Variants in CCDC18 observed in about 807,000 individuals in gnomAD.
CCDC18 encodes coiled-coil domain-containing protein 18.
CCDC18 carries 157 observed loss-of-function variants against 196.0 expected under a neutral mutation model. That is an observed-to-expected ratio of 0.80 (90% CI 0.70 to 0.91). The LOEUF (loss-of-function observed/expected upper bound fraction) is 0.91. Among genes scored for constraint, CCDC18 ranks in the 40% least tolerant of loss-of-function variants. The pLI, the probability that CCDC18 is intolerant of heterozygous loss-of-function variation, is 0.00. For synonymous variants in CCDC18, 482 were observed against 529.2 expected (o/e 0.91, Z 1.22); for missense variants, 1,465 against 1,611.6 (o/e 0.91, Z 1.56).
chr1:93,275,228 C>T (rs1665561962), intron 28 of CCDC18, among the ~76,000 whole-genome samples: 3 of 152,144 alleles, frequency 2.0e-5, no homozygotes, highest in Non-Finnish European at 4.4e-5. Context: ...ATACCTCAGC[C>T]CCCTAAGTAG....
chr1:93,269,838 T>C (rs896824822), intron 27 of CCDC18: 1 of 152,168 alleles, frequency 6.6e-6, no homozygotes, highest in Non-Finnish European at 1.5e-5. Flanking sequence ...TTAACAAGGA[T>C]TGATTTATTA....
intron 4 of CCDC18, among the ~76,000 whole-genome samples, chr1:93,188,755 C>T (rs555833222): frequency 3.6e-4 from 55 of 152,216 alleles, no homozygotes; most frequent in Middle Eastern, 3.4e-3. Context: ...CTTTATTACT[C>T]ATATTGGGTA....
chr1:93,189,654 G>T (rs981222228), intron 4 of CCDC18, among the ~76,000 whole-genome samples: 1 of 151,972 alleles, frequency 6.6e-6, no homozygotes, highest in Non-Finnish European at 1.5e-5. Flanking sequence ...TCTTTTGAAT[G>T]TAAGCCTTGT....
intron 6 of CCDC18, among the ~76,000 whole-genome samples, chr1:93,200,334 TAA>T (rs34770788): frequency 2.8e-5 from 4 of 141,304 alleles, no homozygotes; most frequent in Admixed American, 7.0e-5. Flanking sequence ...GGAGATTATT[TAA>T]AAAAAAAAAA....
At chr1:93,200,129 T>A (rs1388027594) in intron 6 of CCDC18, among the ~76,000 whole-genome samples, 1 of 151,856 alleles carries the variant, frequency 6.6e-6, no homozygotes, top group Non-Finnish European at 1.5e-5. Context: ...GGACTACAGG[T>A]GTGCACCACC....
At chr1:93,273,692 C>T (rs1665480788) in intron 28 of CCDC18, 1 of 152,182 alleles carries the variant, frequency 6.6e-6, no homozygotes, top group East Asian at 1.9e-4. Flanking sequence ...GAGGATGGTA[C>T]TGCACCCTTT....
chr1:93,181,242 T>C (rs1649617926), intron 1 of CCDC18, among the ~76,000 whole-genome samples: 1 of 120,558 alleles, frequency 8.3e-6, no homozygotes, highest in Non-Finnish European at 1.6e-5. Context: ...TAAGATTAGC[T>C]GTGTCAAGCG....
chr1:93,239,005 G>C (rs1442364838), intron 19 of CCDC18, among the ~76,000 whole-genome samples: 1 of 152,112 alleles, frequency 6.6e-6, no homozygotes, highest in African/African-American at 2.4e-5. Flanking sequence ...AAAATTCCTA[G>C]ATGAATGAGG....
At chr1:93,243,478 G>A (rs1162635335) in intron 21 of CCDC18, among the ~76,000 whole-genome samples, 3 of 152,230 alleles carry the variant, frequency 2.0e-5, no homozygotes, top group Non-Finnish European at 2.9e-5. Flanking sequence ...TGATGGGAGA[G>A]GCTGCTCCAG....
chr1:93,180,504 C>A, upstream of CCDC18: 2 of 1,539,652 alleles, frequency 1.3e-6, no homozygotes, highest in Non-Finnish European at 8.8e-7. Context: ...CGCCGCCCGC[C>A]TCTCCCCCTG....
At chr1:93,204,539 G>A (rs1396749138) in intron 7 of CCDC18, among the ~76,000 whole-genome samples, 1 of 152,040 alleles carries the variant, frequency 6.6e-6, no homozygotes, top group Non-Finnish European at 1.5e-5. Context: ...AGGAAGCAAG[G>A]AAAACAAGAG....
intron 23 of CCDC18, among the ~76,000 whole-genome samples, chr1:93,250,529 T>C (rs1168966140): frequency 6.6e-6 from 1 of 152,196 alleles, no homozygotes; most frequent in African/African-American, 2.4e-5. Context: ...TTTTTTAATC[T>C]GGACAATCTG....
chr1:93,250,786 T>C (rs1662135096), intron 23 of CCDC18, among the ~76,000 whole-genome samples: 2 of 83,842 alleles, frequency 2.4e-5, no homozygotes, highest in Non-Finnish European at 4.4e-5. Context: ...ATTTCTGCTA[T>C]ACTTTTGATT....
chr1:93,235,475 C>T (rs1406424555), intron 18 of CCDC18, among the ~76,000 whole-genome samples: 1 of 152,128 alleles, frequency 6.6e-6, no homozygotes, highest in Non-Finnish European at 1.5e-5. Context: ...GTTGTAATCC[C>T]TGTTTCTGTG....
chr1:93,203,182 A>G (rs1654124152), intron 7 of CCDC18, among the ~76,000 whole-genome samples: 1 of 152,176 alleles, frequency 6.6e-6, no homozygotes, highest in South Asian at 2.1e-4. Context: ...AATCAGTGGG[A>G]TCTAGTGACC....
In CCDC18 at chr1:93,207,148, G is replaced by A. The variant is rs1228219237; in HGVS notation, c.959G>A (p.Arg320Lys). 1.3e-6 allele frequency: 2 copies of A among 1,545,808 alleles called. No individual in the cohort carries two copies. The change falls in exon 9 of 29, where the codon AGG (arginine) becomes AAG (lysine). Residue 320 changes from arginine (R) to lysine (K), a missense_variant. Coordinates refer to ENST00000690025, the MANE Select transcript of CCDC18 (RefSeq NM_001378204.1). ...AATAACAACGGAAAAGAAAAATTAA[G>A]GATCATGGCAGTGAAAAATTCAGAA... The part of the protein sequence containing the change: ...EENNNGKEKL[R>K]IMAVKNSEVM...
chr1:93,222,978 T>G (rs546019756), intron 16 of CCDC18, among the ~76,000 whole-genome samples: 1 of 152,342 alleles, frequency 6.6e-6, no homozygotes, highest in East Asian at 1.9e-4. Flanking sequence ...AGACATGTGT[T>G]TATTCATAAA....
At chr1:93,244,403 T>G (rs1035673645) in intron 21 of CCDC18, among the ~76,000 whole-genome samples, 2 of 152,200 alleles carry the variant, frequency 1.3e-5, no homozygotes, top group African/African-American at 4.8e-5. Context: ...TAAAAACGAA[T>G]GAACTACTGA....
At chr1:93,263,309 G>A (rs1664067013) in intron 26 of CCDC18, among the ~76,000 whole-genome samples, 1 of 152,052 alleles carries the variant, frequency 6.6e-6, no homozygotes, top group South Asian at 2.1e-4. Context: ...TCTACCACAT[G>A]GCCAAGCTGC....
Sources: gnomAD v4.1 joint callset for allele counts (sites outside exome capture counted in the v4.1 genomes callset) on GRCh38, gnomAD v4.1.1 for gene constraint, MANE v1.5 for transcripts, NCBI Gene and HGNC (gene_info 2026-07-23, HGNC 2026-07-21) for gene names.